Variants in BLMH observed in about 807,000 individuals in gnomAD.
The protein encoded by BLMH is BLM hydrolase.
A neutral mutation model predicts 61.6 loss-of-function variants in BLMH; 32 were observed. The observed-to-expected ratio is 0.52, with a 90% CI of 0.39 to 0.70. The LOEUF (loss-of-function observed/expected upper bound fraction) is 0.70, where lower values mean the gene tolerates loss of function less well. Ranked by LOEUF, BLMH falls within the 30% of genes least tolerant of loss-of-function variation. The pLI, the probability that BLMH is intolerant of heterozygous loss-of-function variation, is 0.00. For missense variants in BLMH, 460 were observed against 555.5 expected (o/e 0.83, Z 1.73); for synonymous variants, 183 against 193.8 (o/e 0.94, Z 0.46).
chr17:30,253,431 TCA>T (rs1907724596), intron 11 of BLMH, among the ~76,000 whole-genome samples: 1 of 152,202 alleles, frequency 6.6e-6, no homozygotes. Flanking sequence ...CACAAAAACC[TCA>T]CAGTCTAGGT....
chr17:30,290,222 A>G (rs1908846765), intron 2 of BLMH, among the ~76,000 whole-genome samples: 1 of 152,204 alleles, frequency 6.6e-6, no homozygotes, highest in African/African-American at 2.4e-5. Context: ...TGCACTGGTG[A>G]TGTGAAAACT....
At chr17:30,252,322 T>C (rs928889775) in intron 11 of BLMH, 2 of 152,096 alleles carry the variant, frequency 1.3e-5, no homozygotes, top group Non-Finnish European at 2.9e-5. Context: ...GGTGAAGTCA[T>C]CTATGCCCAA....
chr17:30,282,228 T>G (rs1359894553), intron 6 of BLMH, among the ~76,000 whole-genome samples: 1 of 148,826 alleles, frequency 6.7e-6, no homozygotes, highest in African/African-American at 2.5e-5. Flanking sequence ...GGTTTTTTTT[T>G]TTTTTTTTTT....
At chr17:30,278,433 C>T (rs1908483595) in intron 6 of BLMH, among the ~76,000 whole-genome samples, 1 of 152,188 alleles carries the variant, frequency 6.6e-6, no homozygotes, top group Non-Finnish European at 1.5e-5. Flanking sequence ...GTATTTGTGA[C>T]TTTAATTGAA....
chr17:30,281,408 C>G (rs1019940944), intron 6 of BLMH, among the ~76,000 whole-genome samples: 1 of 151,956 alleles, frequency 6.6e-6, no homozygotes, highest in Non-Finnish European at 1.5e-5. Flanking sequence ...ACATTAAAGT[C>G]TGATGGCACT....
chr17:30,260,877 CCAT>C, intron 11 of BLMH, among the ~76,000 whole-genome samples: 1 of 151,868 alleles, frequency 6.6e-6, no homozygotes, highest in Admixed American at 6.6e-5. Context: ...GAGCAAGACT[CCAT>C]AACAACAACA....
intron 10 of BLMH, 73 bp downstream of exon 10, chr17:30,271,198 T>C (rs1908258754): frequency 8.8e-7 from 1 of 1,135,864 alleles, no homozygotes; most frequent in East Asian, 2.4e-5. Flanking sequence ...TGAAGCTTTG[T>C]TGGGTAAACA....
chr17:30,252,070 G>C (rs889869077), intron 11 of BLMH: 1 of 152,104 alleles, frequency 6.6e-6, no homozygotes, highest in Non-Finnish European at 1.5e-5. Flanking sequence ...TTAATCTGTT[G>C]CAGTATGTTG....
At chr17:30,273,138 C>T (rs1908322954) in intron 7 of BLMH, 1 of 466,194 alleles carries the variant, frequency 2.1e-6, no homozygotes, top group South Asian at 4.0e-5. Context: ...CCTGTTTTTC[C>T]TACTAGCAAG....
intron 6 of BLMH, among the ~76,000 whole-genome samples, chr17:30,274,583 C>T (rs573602928): frequency 2.0e-5 from 3 of 152,170 alleles, no homozygotes; most frequent in Non-Finnish European, 2.9e-5. Context: ...GATTTCCTTC[C>T]CTTTATACAT....
intron 6 of BLMH, among the ~76,000 whole-genome samples, chr17:30,280,805 T>C (rs1183417943): frequency 6.6e-6 from 1 of 152,162 alleles, no homozygotes; most frequent in Non-Finnish European, 1.5e-5. Flanking sequence ...GTTTTACTGA[T>C]GGAGAAAGTA....
chr17:30,277,455 G>A (rs1303268290), intron 6 of BLMH, among the ~76,000 whole-genome samples: 1 of 152,212 alleles, frequency 6.6e-6, no homozygotes, highest in African/African-American at 2.4e-5. Flanking sequence ...AACATACTTA[G>A]ATTAGAAAGG....
At chr17:30,252,569 G>A (rs1398361845) in intron 11 of BLMH, among the ~76,000 whole-genome samples, 1 of 149,898 alleles carries the variant, frequency 6.7e-6, no homozygotes, top group Non-Finnish European at 1.5e-5. Context: ...ATTAGCTGGT[G>A]TGGTGGCCTG....
intron 2 of BLMH, among the ~76,000 whole-genome samples, chr17:30,290,389 C>G (rs1908853081): frequency 6.6e-6 from 1 of 152,192 alleles, no homozygotes; most frequent in South Asian, 2.1e-4. Flanking sequence ...TCATCTGTAG[C>G]CTGAGAGCCC....
chr17:30,274,279 G>A, intron 6 of BLMH, 82 bp from the exon 7 acceptor site: 1 of 1,467,020 alleles, frequency 6.8e-7, no homozygotes, highest in Non-Finnish European at 9.1e-7. Context: ...CTTAAGCTTA[G>A]GAAACACAAG....
chr17:30,274,096 T>C lies in BLMH; in HGVS notation c.747A>G (p.Thr249=). ...CATGTTCCCTGTAAAACTCCAAGGG[T>C]GTTATGGGGCCAATTTTCTGATAAT... ...DKNYQKIGPI[T]PLEFYREHVK... The change falls in exon 7 of 12, where the codon ACA becomes ACG. Residue 249 remains threonine, a synonymous_variant. Coordinates refer to ENST00000261714, the MANE Select transcript of BLMH (RefSeq NM_000386.4). The C allele has an allele frequency of 6.2e-7, 1 of 1,613,222 alleles. No individual in the cohort carries two copies. The highest frequency in any genetic ancestry group is 8.5e-7 in the Non-Finnish European group (1 of 1,179,804).
intron 11 of BLMH, among the ~76,000 whole-genome samples, chr17:30,250,709 C>T (rs1907646371): frequency 1.3e-5 from 2 of 152,110 alleles, no homozygotes; most frequent in African/African-American, 2.4e-5. Context: ...ATCTACCATT[C>T]GATCCAGCAA....
intron 11 of BLMH, among the ~76,000 whole-genome samples, chr17:30,259,292 G>A (rs957891411): frequency 6.6e-6 from 1 of 152,078 alleles, no homozygotes; most frequent in African/African-American, 2.4e-5. Context: ...TAGGACAGCT[G>A]GGCTTGCACC....
chr17:30,285,417 A>C lies in BLMH; in HGVS notation c.616T>G (p.Ser206Ala). ...VHSGATKGEI[S>A]ATQDVMMEEI... The stretch of plus-strand genomic sequence containing the variant: ...TCCATCATGACGTCCTGTGTGGCCG[A>C]GATTTCTCCTTTGGTTGCTCCACTG... The change falls in exon 6 of 12, where the codon TCG becomes GCG. Residue 206 changes from serine (S) to alanine (A), a missense_variant. This residue lies in a region of BLMH where 310 missense variants were observed against 371.1 expected (regional missense o/e 0.84). Transcript: ENST00000261714. The C allele has an allele frequency of 6.2e-7, 1 of 1,612,342 alleles. No individual in the cohort carries two copies. The highest frequency in any genetic ancestry group is 8.5e-7 in the Non-Finnish European group (1 of 1,179,144).
Sources: gnomAD v4.1 joint callset for allele counts (sites outside exome capture counted in the v4.1 genomes callset) on GRCh38, gnomAD v4.1.1 for gene constraint, gnomAD v4.1.1 regional missense constraint, MANE v1.5 for transcripts, NCBI Gene and HGNC (gene_info 2026-07-23, HGNC 2026-07-21) for gene names.